The following SGK2 variants were observed in gnomAD, a reference collection of about 807,000 sequenced individuals.
The protein encoded by SGK2 is serum/glucocorticoid regulated kinase 2, also known as serine/threonine-protein kinase Sgk2.
A neutral mutation model predicts 47.5 loss-of-function variants in SGK2; 36 were observed. The observed-to-expected ratio is 0.76, with a 90% confidence interval of 0.58 to 1.00. The LOEUF is 1.00. Ranked by LOEUF, SGK2 falls within the 50% of genes least tolerant of loss-of-function variation. The pLI is 0.00. For missense variants in SGK2, 404 were observed against 467.4 expected, an observed-to-expected ratio of 0.86 and a Z score of 1.25; for synonymous variants, 157 against 181.9, an observed-to-expected ratio of 0.86 and a Z score of 1.10.
rs1165235304 is a variant in SGK2, at chr20:43,584,955, C to A, written c.1043C>A (p.Ala348Asp). The change falls in exon 13 of 13, where the codon GCC becomes GAC. Residue 348 changes from alanine to aspartate, a missense_variant. Ala to Asp is a moderately radical substitution (Grantham distance 126, BLOSUM62 -2). Transcript: ENST00000373100. ...TPDTVASSSGASSAFLGFSYA... is the reference protein window; with the variant it reads ...TPDTVASSSGDSSAFLGFSYA... ...GACACTGTGGCCAGCAGCTCTGGGG[C>A]CTCAAGTGCATTCCTGGGATTTTCT... 1 of 1,614,072 alleles carries A rather than the reference C, an allele frequency of 6.2e-7. No individual in the cohort carries two copies. Among genetic ancestry groups the A allele is most frequent in the East Asian group, 2.2e-5 (1 of 44,882 alleles).
At chr20:43,561,961 C>T (rs148276996) in intron 1 of SGK2, among the ~76,000 whole-genome samples, 14 of 152,062 alleles carry the variant, frequency 9.2e-5, no homozygotes, top group African/African-American at 2.4e-4. Flanking sequence ...GGAGTGGAGG[C>T]GGAGTGAGGG....
chr20:43,575,094 G>A (rs1276681674), intron 10 of SGK2, 90 bp downstream of exon 10: 2 of 797,752 alleles, frequency 2.5e-6, no homozygotes, highest in African/African-American at 1.7e-5. Context: ...CCAGGAAAAT[G>A]AGCAAGCCAT....
intron 12 of SGK2, among the ~76,000 whole-genome samples, chr20:43,583,926 C>T (rs1489473866): frequency 6.6e-6 from 1 of 152,180 alleles, no homozygotes; most frequent in Admixed American, 6.5e-5. Context: ...CATGCCAGTG[C>T]ACTCCAGCCT....
At chr20:43,559,186 AC>A (rs1430354430) in intron 1 of SGK2, 27 bp downstream of exon 1, 4 of 152,256 alleles carry the variant, frequency 2.6e-5, no homozygotes, top group Non-Finnish European at 5.9e-5. Flanking sequence ...TGAGCAGGAT[AC>A]CTGCCTGCTC....
chr20:43,569,578 C>A, intron 6 of SGK2, 62 bp downstream of exon 6: 1 of 1,575,000 alleles, frequency 6.3e-7, no homozygotes. Context: ...GTCCATCCCA[C>A]ATGCCCACTG....
intron 1 of SGK2, chr20:43,566,262 T>G: frequency 1.4e-3 from 1,842 of 1,320,086 alleles, no homozygotes; most frequent in Non-Finnish European, 1.8e-3. Context: ...TTATCCCTTC[T>G]GAGATGTTTG....
Position 43,576,301 on chromosome 20 carries a change from G to A in SGK2, c.771G>A (p.Arg257=), listed in dbSNP as rs1384616814. The change falls in exon 11 of 13, where the codon CGG becomes CGA. Residue 257 remains arginine (R), a synonymous_variant. Coordinates refer to ENST00000373100, the MANE Select transcript of SGK2 (RefSeq NM_170693.3). ...AGCCGCTACAGATCCCCGGAGGCCG[G>A]ACAGTGGCCGCCTGTGACCTCCTGC... is the stretch of plus-strand genomic sequence containing the variant. ...LHQPLQIPGG[R]TVAACDLLQS... is the part of the protein sequence containing the mutation. 1.2e-6 allele frequency: 2 copies of A among 1,614,232 alleles called. No homozygotes were observed. Among genetic ancestry groups the A allele is most frequent in the Non-Finnish European group, 1.7e-6 (2 of 1,180,046 alleles).
At chr20:43,576,081 C>A in intron 10 of SGK2, 143 bp from the exon 11 acceptor site, 1 of 937,568 alleles carries the variant, frequency 1.1e-6, no homozygotes, top group Non-Finnish European at 1.6e-6. Flanking sequence ...GGAGTCCTGT[C>A]TCTTTCCAGT....
chr20:43,582,322 G>A (rs1980846911), intron 12 of SGK2, among the ~76,000 whole-genome samples: 1 of 152,176 alleles, frequency 6.6e-6, no homozygotes, highest in South Asian at 2.1e-4. Flanking sequence ...TTCCCAAAGT[G>A]CTGGGATAAC....
chr20:43,569,446 T>C lies in SGK2; in HGVS notation c.290T>C (p.Val97Ala). The C allele has an allele frequency of 2.5e-6, 4 of 1,613,934 alleles. No individual in the cohort carries two copies. Among genetic ancestry groups the C allele is most frequent in the Non-Finnish European group, 3.4e-6 (4 of 1,180,012 alleles). Reference sequence around the variant, plus strand: ...AAGAACGTGCGGCACCCCTTCCTCGTGGGCCTGCGCTACTCCTTCCAGACA... The same window carrying C: ...AAGAACGTGCGGCACCCCTTCCTCGCGGGCCTGCGCTACTCCTTCCAGACA... ...LLKNVRHPFL[V>A]GLRYSFQTPE... is the part of the protein sequence containing the mutation. Residue 97 changes from valine (V) to alanine (A), a missense_variant, in exon 6 of 13, where the codon GTG becomes GCG. By Grantham distance (64) the Val-to-Ala change is moderately conservative. Transcript: ENST00000373100.
rs183591817 is a variant in SGK2 at position 43,580,329 on chromosome 20, G to A, written c.939+268G>A. Among the ~76,000 whole-genome samples the A allele has an allele frequency of 3.8e-3, 582 of 152,248 alleles. 3 individuals are homozygous for A. Among genetic ancestry groups the A allele is most frequent in the South Asian group, 0.011 (54 of 4,822 alleles). ...TACAGTTTGTGAAGTGCTCTGTTTC[G>A]CACAGCACACCCACATAGGGCCAAG... On this transcript the variant is annotated intron_variant, in intron 12 of 12. Transcript: ENST00000373100.
chr20:43,566,974 A>T, intron 2 of SGK2, 94 bp from the exon 3 acceptor site: 1 of 978,786 alleles, frequency 1.0e-6, no homozygotes, highest in Non-Finnish European at 1.6e-6. Context: ...CAGGCCTAGT[A>T]GAGTTGTTGG....
intron 12 of SGK2, among the ~76,000 whole-genome samples, chr20:43,581,507 G>A (rs1980794146): frequency 6.6e-6 from 1 of 151,900 alleles, no homozygotes; most frequent in Non-Finnish European, 1.5e-5. Context: ...TCCATATGGG[G>A]AATTCCCAAT....
At chr20:43,569,220 G>A (rs549072988) in intron 5 of SGK2, among the ~76,000 whole-genome samples, 165 bp from the exon 6 acceptor site, 1 of 152,278 alleles carries the variant, frequency 6.6e-6, no homozygotes, top group South Asian at 2.1e-4. Flanking sequence ...GAAGGAACTT[G>A]GGCCTGGCTC....
intron 1 of SGK2, chr20:43,564,849 G>A (rs1205332483): frequency 2.6e-5 from 4 of 152,696 alleles, no homozygotes; most frequent in African/African-American, 9.7e-5. Context: ...CATCTACGCA[G>A]ACTCATAGAA....
chr20:43,578,394 A>C (rs900174683), intron 11 of SGK2, among the ~76,000 whole-genome samples: 1 of 152,146 alleles, frequency 6.6e-6, no homozygotes, highest in Non-Finnish European at 1.5e-5. Flanking sequence ...CTGAGACACA[A>C]GAATTGCTTG....
intron 5 of SGK2, among the ~76,000 whole-genome samples, 155 bp from the exon 6 acceptor site, chr20:43,569,230 C>G (rs1254069836): frequency 1.3e-5 from 2 of 152,034 alleles, no homozygotes; most frequent in Non-Finnish European, 2.9e-5. Flanking sequence ...GGGCCTGGCT[C>G]TAAGGGCAAT....
intron 7 of SGK2, 73 bp from the exon 8 acceptor site, chr20:43,570,951 C>G: frequency 6.2e-7 from 1 of 1,608,846 alleles, no homozygotes; most frequent in Non-Finnish European, 8.5e-7. Flanking sequence ...AGGACCACCC[C>G]CCGCCCAGGT....
intron 11 of SGK2, among the ~76,000 whole-genome samples, chr20:43,576,987 A>G (rs1421295203): frequency 6.6e-6 from 1 of 152,122 alleles, no homozygotes; most frequent in East Asian, 1.9e-4. Flanking sequence ...CAGGCAAAAA[A>G]CCCAAACATT....
Sources: gnomAD v4.1 joint callset for allele counts (sites outside exome capture counted in the v4.1 genomes callset) on GRCh38, gnomAD v4.1.1 for gene constraint, MANE v1.5 for transcripts, NCBI Gene and HGNC (gene_info 2026-07-23, HGNC 2026-07-21) for gene names.